Variants in EPM2A observed in about 807,000 individuals in gnomAD.
EPM2A encodes EPM2A glucan phosphatase, laforin.
A neutral mutation model predicts 26.5 loss-of-function variants in EPM2A; 21 were observed. That is an observed-to-expected ratio of 0.79 (90% CI 0.56 to 1.14). The LOEUF is 1.14. Ranked by LOEUF, EPM2A falls within the 50% of genes most tolerant of loss-of-function variation. EPM2A has a pLI of 0.00. For missense variants in EPM2A, 458 were observed against 440.8 expected (o/e 1.04, Z -0.35); for synonymous variants, 217 against 177.6 (o/e 1.22, Z -1.76).
At chr6:145,674,225 G>T (rs934551745) in intron 2 of EPM2A, among the ~76,000 whole-genome samples, 10 of 152,136 alleles carry the variant, frequency 6.6e-5, no homozygotes, top group Admixed American at 5.2e-4. Context: ...GAAGAAAAAT[G>T]AACAAACAGA....
At chr6:145,498,140 A>G (rs565572115), downstream of EPM2A, among the ~76,000 whole-genome samples, 56 of 152,338 alleles carry the variant, frequency 3.7e-4, no homozygotes, top group African/African-American at 1.3e-3. Context: ...GACTCTCTGA[A>G]GCCTGCAGGC....
chr6:145,564,633 G>A (rs1232031794), intron 2 of EPM2A, among the ~76,000 whole-genome samples: 1 of 152,202 alleles, frequency 6.6e-6, no homozygotes, highest in Non-Finnish European at 1.5e-5. Context: ...TTTGGTTTAT[G>A]TATAAATTAG....
At chr6:145,685,726 C>G (rs922774103) in intron 2 of EPM2A, among the ~76,000 whole-genome samples, 11 of 152,230 alleles carry the variant, frequency 7.2e-5, no homozygotes, top group Non-Finnish European at 1.2e-4. Flanking sequence ...TATTTTCACA[C>G]ATATTTATTT....
intron 4 of EPM2A, among the ~76,000 whole-genome samples, chr6:145,466,617 A>G (rs1020875813): frequency 6.6e-6 from 1 of 152,052 alleles, no homozygotes; most frequent in African/African-American, 2.4e-5. Context: ...TAGAAATACC[A>G]TTTGACCCAG....
chr6:145,445,628 T>C (rs1416119491), intron 4 of EPM2A, among the ~76,000 whole-genome samples: 1 of 152,208 alleles, frequency 6.6e-6, no homozygotes, highest in Non-Finnish European at 1.5e-5. Flanking sequence ...CTTTGGTTAA[T>C]TTACAGAGTT....
At chr6:145,448,558 T>C (rs533389873) in intron 4 of EPM2A, among the ~76,000 whole-genome samples, 2 of 152,298 alleles carry the variant, frequency 1.3e-5, no homozygotes, top group South Asian at 4.1e-4. Flanking sequence ...GGAGAACTTT[T>C]AAAATAATGC....
At chr6:145,463,242 G>A (rs1352639378) in intron 4 of EPM2A, 1 of 150,940 alleles carries the variant, frequency 6.6e-6, no homozygotes, top group Non-Finnish European at 1.5e-5. Context: ...TCTTTTTGAG[G>A]GAGAGTGCAA....
chr6:145,432,308 A>G (rs1666916179), intron 4 of EPM2A, among the ~76,000 whole-genome samples: 1 of 152,188 alleles, frequency 6.6e-6, no homozygotes, highest in African/African-American at 2.4e-5. Flanking sequence ...TCTACTCACT[A>G]TCTATGGCAG....
At chr6:145,412,598 A>G (rs1778659039) in intron 4 of EPM2A, among the ~76,000 whole-genome samples, 1 of 152,214 alleles carries the variant, frequency 6.6e-6, no homozygotes, top group Non-Finnish European at 1.5e-5. Flanking sequence ...TCATGCTTAG[A>G]TTATAATCTG....
At chr6:145,436,649 C>T (rs896893923) in intron 4 of EPM2A, among the ~76,000 whole-genome samples, 4 of 151,984 alleles carry the variant, frequency 2.6e-5, no homozygotes, top group East Asian at 1.9e-4. Context: ...CTATGGAGAA[C>T]TGTCTTTTCA....
At chr6:145,553,836 T>C (rs1344151661) in intron 2 of EPM2A, among the ~76,000 whole-genome samples, 1 of 147,706 alleles carries the variant, frequency 6.8e-6, no homozygotes, top group African/African-American at 2.5e-5. Context: ...ATTATATATA[T>C]AGTAATATAT....
At chr6:145,436,927 T>C (rs190796574) in intron 4 of EPM2A, among the ~76,000 whole-genome samples, 2 of 152,314 alleles carry the variant, frequency 1.3e-5, no homozygotes, top group East Asian at 3.9e-4. Context: ...GTCTCCCACA[T>C]TTCTTTAATT....
chr6:145,591,299 G>A (rs1781270318), intron 2 of EPM2A, among the ~76,000 whole-genome samples: 1 of 152,156 alleles, frequency 6.6e-6, no homozygotes, highest in African/African-American at 2.4e-5. Flanking sequence ...AGTTACAATG[G>A]TTGAGAAAAT....
chr6:145,653,801 G>A (rs111771550), intron 2 of EPM2A, among the ~76,000 whole-genome samples: 163 of 152,264 alleles, frequency 1.1e-3, no homozygotes, highest in Non-Finnish European at 2.0e-3. Flanking sequence ...ACATTATGGA[G>A]TGTACTCTGA....
intron 1 of EPM2A, among the ~76,000 whole-genome samples, chr6:145,701,916 A>C (rs749517545): frequency 7.9e-5 from 12 of 152,154 alleles, no homozygotes; most frequent in South Asian, 2.1e-4. Flanking sequence ...CACACACACA[A>C]AAAAAGCGAG....
chr6:145,484,418 G>T lies in EPM2A; in HGVS notation c.555+18104C>A, dbSNP rs536473984. On this transcript the variant is annotated intron_variant, in intron 4 of 4. Coordinates refer to the EPM2A transcript ENST00000638717. ...ACTTATTTGATGGACTAGGTATTCT[G>T]GAGAATTTTTTGAAGATCCATGTTC... Among the ~76,000 whole-genome samples, 2 of 152,042 alleles carry T rather than the reference G, an allele frequency of 1.3e-5. 1 individual carries two copies. The highest frequency in any genetic ancestry group is 4.2e-4 in the South Asian group (2 of 4,810).
downstream of EPM2A, among the ~76,000 whole-genome samples, chr6:145,620,955 A>C (rs544466949): frequency 2.6e-5 from 4 of 152,346 alleles, no homozygotes; most frequent in East Asian, 7.7e-4. Flanking sequence ...TGGTGAGGAC[A>C]CTTGTGATCT....
intron 4 of EPM2A, among the ~76,000 whole-genome samples, chr6:145,466,232 C>G (rs945137601): frequency 6.7e-6 from 1 of 149,822 alleles, no homozygotes; most frequent in Admixed American, 6.7e-5. Flanking sequence ...AAAATTTTCG[C>G]AACCTACTCA....
Position 145,735,359 on chromosome 6 carries a change from G to A in EPM2A, c.140C>T (p.Ala47Val). The A allele has an allele frequency of 7.8e-7, 1 of 1,282,200 alleles. No individual in the cohort carries two copies. Among genetic ancestry groups the A allele is most frequent in the Non-Finnish European group, 9.8e-7 (1 of 1,016,168 alleles). The allele number at this position is 1,282,200 out of a possible 1,614,324, so 79.4% of individuals were successfully genotyped here. A position where few individuals can be genotyped will look rare whatever the true frequency, so the allele number is the denominator to read the frequency against. ...CTGCAGGGCCAGGGCCCCGTCGCCC[G>A]CCGCGGTGCCGGCCGGCCTCAGGCG... ...AVRLRPAGTA[A>V]GDGALALQEP... is the part of the protein sequence containing the mutation. The change falls in exon 1 of 4, where the codon GCG (alanine) becomes GTG (valine). Residue 47 changes from alanine to valine, a missense_variant. By Grantham distance (64) the Ala-to-Val change is moderately conservative. Transcript: ENST00000367519.
Sources: gnomAD v4.1 joint callset for allele counts (sites outside exome capture counted in the v4.1 genomes callset) on GRCh38, gnomAD v4.1.1 for gene constraint, MANE v1.5 for transcripts, NCBI Gene and HGNC (gene_info 2026-07-23, HGNC 2026-07-21) for gene names.